COMMD1: variants seen among roughly 807,000 people sequenced by gnomAD.
COMMD1 encodes copper metabolism domain containing 1.
Under a neutral mutation model 17.2 loss-of-function variants are expected in COMMD1, and 10 were observed. The ratio of observed to expected loss-of-function variants is 0.58; its 90% CI spans 0.36 to 0.99. The LOEUF (loss-of-function observed/expected upper bound fraction) is 0.99, where lower values mean the gene tolerates loss of function less well. Among genes scored for constraint, COMMD1 ranks in the 50% least tolerant of loss-of-function variants. The pLI is 0.01. For synonymous variants in COMMD1, 97 were observed against 91.6 expected (o/e 1.06, Z -0.34); for missense variants, 270 against 231.8 (o/e 1.17, Z -1.07).
intron 2 of COMMD1, among the ~76,000 whole-genome samples, chr2:62,042,439 C>T (rs1483292693): frequency 6.6e-6 from 1 of 152,212 alleles, no homozygotes; most frequent in Non-Finnish European, 1.5e-5. Context: ...CTCCGGGGGA[C>T]TTTGTGGCAC....
chr2:61,935,026 G>A (rs1029430322), intron 1 of COMMD1, among the ~76,000 whole-genome samples: 3 of 152,200 alleles, frequency 2.0e-5, no homozygotes, highest in Admixed American at 1.3e-4. Context: ...GGTGTTCAGT[G>A]AACTTCCCGA....
At chr2:62,047,372 C>T (rs1670410549) in intron 2 of COMMD1, among the ~76,000 whole-genome samples, 1 of 152,126 alleles carries the variant, frequency 6.6e-6, no homozygotes, top group African/African-American at 2.4e-5. Flanking sequence ...TGTCCTAGGC[C>T]TTCACGTTCA....
chr2:61,954,570 G>A (rs190466134), intron 1 of COMMD1, among the ~76,000 whole-genome samples: 1 of 152,282 alleles, frequency 6.6e-6, no homozygotes, highest in Admixed American at 6.5e-5. Context: ...GAAGAGAGGA[G>A]TCTTCCCTGG....
intron 1 of COMMD1, among the ~76,000 whole-genome samples, chr2:61,925,329 C>T (rs928981591): frequency 1.3e-5 from 2 of 151,974 alleles, no homozygotes; most frequent in East Asian, 1.9e-4. Flanking sequence ...ACTAACCTGC[C>T]GGCTGCTCCA....
intron 1 of COMMD1, among the ~76,000 whole-genome samples, chr2:61,912,570 A>T (rs1227646707): frequency 1.3e-5 from 2 of 152,176 alleles, no homozygotes; most frequent in Non-Finnish European, 2.9e-5. Context: ...TTCCATCTCT[A>T]CTAAAAATAC....
At chr2:61,902,085 C>T (rs1003385935), upstream of COMMD1, among the ~76,000 whole-genome samples, 60 of 151,964 alleles carry the variant, frequency 3.9e-4, 2 homozygotes. Context: ...CCCACCTTGG[C>T]CTCCCAAAGT....
chr2:61,995,865 A>G (rs1025378638), intron 1 of COMMD1, among the ~76,000 whole-genome samples: 1 of 152,344 alleles, frequency 6.6e-6, no homozygotes. Flanking sequence ...CAAGTGCAGT[A>G]ATACAGACAT....
chr2:62,040,821 G>T (rs1443889731), intron 2 of COMMD1, among the ~76,000 whole-genome samples: 1 of 151,902 alleles, frequency 6.6e-6, no homozygotes, highest in Non-Finnish European at 1.5e-5. Context: ...AGCAGTTCTC[G>T]TGCTTCAGCC....
intron 1 of COMMD1, among the ~76,000 whole-genome samples, chr2:61,924,870 G>T (rs565265028): frequency 9.2e-5 from 14 of 152,262 alleles, no homozygotes; most frequent in Middle Eastern, 3.4e-3. Context: ...CTACAGGAGA[G>T]GGCGTCCCCT....
chr2:62,057,577 T>G (rs1670743102), intron 2 of COMMD1, among the ~76,000 whole-genome samples: 2 of 152,056 alleles, frequency 1.3e-5, no homozygotes, highest in Non-Finnish European at 2.9e-5. Context: ...TCAAAATATT[T>G]TATTTATTTT....
chr2:61,902,215 A>G (rs889893475), upstream of COMMD1, among the ~76,000 whole-genome samples: 2 of 151,246 alleles, frequency 1.3e-5, no homozygotes, highest in Non-Finnish European at 2.9e-5. Context: ...GCTCTTAGAA[A>G]TCACTGAAGT....
intron 2 of COMMD1, among the ~76,000 whole-genome samples, chr2:62,073,037 A>G (rs1178961827): frequency 7.9e-5 from 12 of 152,262 alleles, no homozygotes; most frequent in African/African-American, 2.7e-4. Context: ...CCCAGCTGGC[A>G]AAGTGGCACT....
intron 2 of COMMD1, among the ~76,000 whole-genome samples, chr2:62,033,569 C>A (rs1324906623): frequency 1.3e-5 from 2 of 151,760 alleles, no homozygotes; most frequent in African/African-American, 4.8e-5. Flanking sequence ...CACAGCAAGA[C>A]CCCCATCTGT....
intron 2 of COMMD1, among the ~76,000 whole-genome samples, chr2:62,121,688 A>G (rs1363881062): frequency 6.6e-6 from 1 of 150,966 alleles, no homozygotes; most frequent in Non-Finnish European, 1.5e-5. Flanking sequence ...TAGTGAGCTG[A>G]GATTGAGCCA....
At chr2:61,928,129 A>G (rs1670375505) in intron 1 of COMMD1, among the ~76,000 whole-genome samples, 1 of 152,050 alleles carries the variant, frequency 6.6e-6, no homozygotes, top group African/African-American at 2.4e-5. Context: ...AACAAATTAT[A>G]TAAAAAGTAA....
intron 1 of COMMD1, among the ~76,000 whole-genome samples, chr2:61,929,808 C>T (rs368783550): frequency 6.6e-6 from 1 of 152,088 alleles, no homozygotes; most frequent in East Asian, 1.9e-4. Flanking sequence ...TCTGTAGTCC[C>T]AGCTTTTCTG....
At chr2:62,029,277 A>G (rs900613434) in intron 2 of COMMD1, among the ~76,000 whole-genome samples, 17 of 152,180 alleles carry the variant, frequency 1.1e-4, no homozygotes, top group Non-Finnish European at 1.9e-4. Flanking sequence ...ATACAACAGG[A>G]TATGTGTATG....
chr2:62,118,748 G>A (rs2104066961), intron 2 of COMMD1, among the ~76,000 whole-genome samples: 1 of 152,348 alleles, frequency 6.6e-6, no homozygotes, highest in East Asian at 1.9e-4. Context: ...TTCAATGAGG[G>A]TGAGGCCAGA....
chr2:62,042,161 A>G (rs1670231089), intron 2 of COMMD1, among the ~76,000 whole-genome samples: 1 of 152,178 alleles, frequency 6.6e-6, no homozygotes, highest in Non-Finnish European at 1.5e-5. Context: ...CTTTAGCTAG[A>G]CACACAGCGC....
Sources: gnomAD v4.1 joint callset for allele counts (sites outside exome capture counted in the v4.1 genomes callset) on GRCh38, gnomAD v4.1.1 for gene constraint, MANE v1.5 for transcripts, NCBI Gene and HGNC (gene_info 2026-07-23, HGNC 2026-07-21) for gene names.